The following FOXP1 variants were observed in gnomAD, a reference collection of about 807,000 sequenced individuals.
FOXP1 encodes forkhead box protein P1.
A neutral mutation model predicts 98.2 loss-of-function variants in FOXP1; 15 were observed. That is an observed-to-expected ratio of 0.15 (90% CI 0.10 to 0.24). The LOEUF is 0.24. FOXP1 is among the 10% of genes least tolerant of loss of function. FOXP1 has a pLI of 1.00. For missense variants in FOXP1, 633 were observed against 848.5 expected, an observed-to-expected ratio of 0.75 and a Z score of 3.15; for synonymous variants, 371 against 314.5, an observed-to-expected ratio of 1.18 and a Z score of -1.90.
intron 6 of FOXP1, among the ~76,000 whole-genome samples, chr3:71,118,431 G>A (rs2058531260): frequency 6.6e-6 from 1 of 152,178 alleles, no homozygotes; most frequent in Admixed American, 6.5e-5. Context: ...TCAAAAACAT[G>A]TCTACCATAT....
Position 71,117,833 on chromosome 3 carries a change from T to C in FOXP1, c.181-5196A>G, listed in dbSNP as rs560471076. 1.3e-4 allele frequency among the ~76,000 whole-genome samples: 20 copies of C among 152,310 alleles called. No homozygotes were observed. In the South Asian group the frequency reaches 3.9e-3, roughly 30 times the overall value. ...TGGATAACCTGGTGCTGTATTTTCATGCTAGGCTCGGGTTACAGTAAAGAC... is the reference window on the plus strand; with the variant it reads ...TGGATAACCTGGTGCTGTATTTTCACGCTAGGCTCGGGTTACAGTAAAGAC... On this transcript the variant is annotated intron_variant, in intron 6 of 20. Coordinates refer to ENST00000649528, the MANE Select transcript of FOXP1 (RefSeq NM_001349338.3).
intron 3 of FOXP1, among the ~76,000 whole-genome samples, chr3:71,411,278 C>CGTGTGTGTGTGT (rs58267668): frequency 5.6e-5 from 8 of 141,786 alleles, no homozygotes; most frequent in East Asian, 4.3e-4. Flanking sequence ...GCTGAATGGG[C>CGTGTGTGTGTGT]GTGTGTGTGT....
intron 2 of FOXP1, among the ~76,000 whole-genome samples, chr3:71,522,136 C>T (rs2043040230): frequency 6.6e-6 from 1 of 152,198 alleles, no homozygotes; most frequent in Admixed American, 6.5e-5. Context: ...CTTGGGCCTG[C>T]CAAGAGTTCC....
intron 11 of FOXP1, among the ~76,000 whole-genome samples, chr3:71,030,993 T>A (rs1411520242): frequency 6.6e-6 from 1 of 152,238 alleles, no homozygotes; most frequent in African/African-American, 2.4e-5. Context: ...ATCCGCCTGA[T>A]TCTCAGGTCT....
Position 71,582,707 on chromosome 3 carries a change from C to T in FOXP1, c.-447+864G>A, listed in dbSNP as rs978724113. 8.1e-6 allele frequency: 8 copies of T among 985,332 alleles called. No individual in the cohort carries two copies. In the African/African-American group the frequency reaches 1.2e-4, roughly 15 times the overall value. The allele number at this position is 985,332 out of a possible 1,614,324, so 61.0% of individuals were successfully genotyped here. On this transcript the variant is annotated intron_variant, in intron 1 of 20. Coordinates refer to ENST00000649528, the MANE Select transcript of FOXP1 (RefSeq NM_001349338.3). The stretch of plus-strand genomic sequence containing the variant: ...CCGGCTCCCGCACCCACCCGTGGAT[C>T]TGGCCACGGCTGTTGCGGACTCGTC...
At chr3:71,563,035 G>A (rs1224906124) in intron 2 of FOXP1, among the ~76,000 whole-genome samples, 1 of 152,168 alleles carries the variant, frequency 6.6e-6, no homozygotes, top group Admixed American at 6.5e-5. Flanking sequence ...TGCTGAGGTT[G>A]GAGAGATGAA....
chr3:71,482,367 CTTTT>C (rs11464442), intron 3 of FOXP1, among the ~76,000 whole-genome samples: 1 of 114,152 alleles, frequency 8.8e-6, no homozygotes, highest in Non-Finnish European at 1.8e-5. Context: ...AATACATAAC[CTTTT>C]TTTTTTTTTT....
intron 2 of FOXP1, among the ~76,000 whole-genome samples, chr3:71,529,925 A>AG (rs2043697516): frequency 6.6e-6 from 1 of 152,166 alleles, no homozygotes; most frequent in South Asian, 2.1e-4. Context: ...GAACCCAAGG[A>AG]GGGGTCAAGG....
At chr3:71,066,091 CAAAAA>C (rs34279433) in intron 7 of FOXP1, among the ~76,000 whole-genome samples, 48 of 104,990 alleles carry the variant, frequency 4.6e-4, no homozygotes, top group Admixed American at 1.8e-3. Flanking sequence ...TATTTGCCTT[CAAAAA>C]AAAAAAAAAA....
intron 4 of FOXP1, among the ~76,000 whole-genome samples, chr3:71,321,121 CAAAAA>C (rs11293559): frequency 1.6e-5 from 2 of 121,992 alleles, no homozygotes; most frequent in Non-Finnish European, 1.7e-5. Context: ...TAGACTGTAC[CAAAAA>C]AAAAAAAAAA....
At chr3:71,461,857 T>A (rs111537478) in intron 3 of FOXP1, among the ~76,000 whole-genome samples, 5,025 of 151,106 alleles carry the variant, frequency 0.033, 251 homozygotes, top group African/African-American at 0.11. Flanking sequence ...CACAGGTCTC[T>A]GGTATCACAG....
At chr3:71,318,255 T>C (rs1187416667) in intron 4 of FOXP1, among the ~76,000 whole-genome samples, 1 of 151,996 alleles carries the variant, frequency 6.6e-6, no homozygotes, top group East Asian at 1.9e-4. Flanking sequence ...TCTTCTTGGT[T>C]AATATTTAAT....
intron 11 of FOXP1, among the ~76,000 whole-genome samples, chr3:71,018,622 C>CT (rs901035578): frequency 1.3e-5 from 2 of 152,236 alleles, no homozygotes; most frequent in Non-Finnish European, 2.9e-5. Flanking sequence ...TAACTGGATA[C>CT]TTTTAAATAC....
chr3:71,228,818 T>A (rs1560150174), intron 5 of FOXP1, among the ~76,000 whole-genome samples: 1 of 152,194 alleles, frequency 6.6e-6, no homozygotes, highest in Non-Finnish European at 1.5e-5. Context: ...AAAAATAATA[T>A]TCTTTATGGT....
chr3:71,398,139 C>T (rs985537294), intron 3 of FOXP1, among the ~76,000 whole-genome samples: 13 of 152,226 alleles, frequency 8.5e-5, no homozygotes, highest in African/African-American at 3.1e-4. Flanking sequence ...ATTATTTTAA[C>T]AGAGCTTTGT....
chr3:71,539,066 T>C (rs1267362161), intron 2 of FOXP1, among the ~76,000 whole-genome samples: 2 of 151,634 alleles, frequency 1.3e-5, no homozygotes, highest in Non-Finnish European at 2.9e-5. Flanking sequence ...ACTTTCTTGA[T>C]TATTGTAGCT....
chr3:71,436,817 G>A (rs1034214743), intron 3 of FOXP1, among the ~76,000 whole-genome samples: 1 of 152,124 alleles, frequency 6.6e-6, no homozygotes, highest in Non-Finnish European at 1.5e-5. Context: ...ACTGCAAAAT[G>A]TCTGCTATAA....
rs1313753034 is a variant in FOXP1, at chr3:70,965,928, C to G, written c.1851G>C (p.Glu617Asp). 1.2e-6 allele frequency: 2 copies of G among 1,614,140 alleles called. No homozygotes were observed. The highest frequency in any genetic ancestry group is 3.3e-5 in the Admixed American group (2 of 60,028). ...NGAMEHTNSN[E>D]SDSSPGRSPM... ...GAGATCTGCCTGGACTGCTGTCACT[C>G]TCGTTGCTGTTGGTATGCTCCATTG... Residue 617 changes from glutamate to aspartate, a missense_variant, in exon 20 of 21, where the codon GAG becomes GAC. By Grantham distance (45) the Glu-to-Asp change is conservative. Around this residue, in one of 6 missense-constraint regions of FOXP1, gnomAD observed 150 missense variants for 163.7 expected, o/e 0.92. Coordinates refer to ENST00000649528, the MANE Select transcript of FOXP1 (RefSeq NM_001349338.3).
At chr3:71,402,390 G>A (rs1165445801) in intron 3 of FOXP1, among the ~76,000 whole-genome samples, 1 of 152,180 alleles carries the variant, frequency 6.6e-6, no homozygotes, top group East Asian at 1.9e-4. Flanking sequence ...GGAAGGTTGA[G>A]ACTGCAGTAA....
Sources: gnomAD v4.1 joint callset for allele counts (sites outside exome capture counted in the v4.1 genomes callset) on GRCh38, gnomAD v4.1.1 for gene constraint, gnomAD v4.1.1 regional missense constraint, MANE v1.5 for transcripts, NCBI Gene and HGNC (gene_info 2026-07-23, HGNC 2026-07-21) for gene names.